Variants in TGFBRAP1 observed in about 807,000 individuals in gnomAD.
The protein encoded by TGFBRAP1 is transforming growth factor beta receptor associated protein 1, also known as transforming growth factor-beta receptor-associated protein 1.
In TGFBRAP1, 20 loss-of-function variants were observed where a neutral mutation model predicts 83.2. That is an observed-to-expected ratio of 0.24 (90% confidence interval 0.17 to 0.35). TGFBRAP1 has a LOEUF of 0.35. Among genes scored for constraint, TGFBRAP1 ranks in the 10% least tolerant of loss-of-function variants. The pLI, the probability that TGFBRAP1 is intolerant of heterozygous loss-of-function variation, is 1.00. For missense variants in TGFBRAP1, 950 were observed against 1,099.4 expected, an observed-to-expected ratio of 0.86 and a Z score of 1.92; for synonymous variants, 415 against 459.8, an observed-to-expected ratio of 0.90 and a Z score of 1.25.
At chr2:105,253,929 C>T in the TGFBRAP1 span, among the ~76,000 whole-genome samples, 3 of 151,998 alleles carry the variant, frequency 2.0e-5, no homozygotes, top group Admixed American at 6.6e-5. Flanking sequence ...CTTTGTGGCC[C>T]GGTTTTTATC....
At chr2:105,325,231 T>C (rs1368598183) in intron 1 of TGFBRAP1, 3 of 150,768 alleles carry the variant, frequency 2.0e-5, no homozygotes, top group Admixed American at 1.3e-4. Flanking sequence ...GCCTGGATGA[T>C]GGATGGCACC....
intron 7 of TGFBRAP1, among the ~76,000 whole-genome samples, chr2:105,276,294 C>A (rs375282762): frequency 2.9e-4 from 44 of 152,288 alleles, no homozygotes; most frequent in African/African-American, 9.4e-4. Context: ...TTAAGTGAAG[C>A]CTACTTTCAG....
chr2:105,274,453 G>C (rs1022207322), intron 8 of TGFBRAP1, among the ~76,000 whole-genome samples: 2 of 152,202 alleles, frequency 1.3e-5, no homozygotes, highest in African/African-American at 4.8e-5. Context: ...CTGGATTTGT[G>C]TCCCAGCTCT....
chr2:105,255,380 G>A, the TGFBRAP1 span, among the ~76,000 whole-genome samples: 1 of 151,944 alleles, frequency 6.6e-6, no homozygotes, highest in African/African-American at 2.4e-5. Context: ...GGAGTGCAGT[G>A]GTACAATCAT....
chr2:105,260,468 A>G (rs1265609124), downstream of TGFBRAP1, among the ~76,000 whole-genome samples: 3 of 152,178 alleles, frequency 2.0e-5, no homozygotes, highest in African/African-American at 7.2e-5. Context: ...TGAGGACATT[A>G]TGTCAAGTGA....
At chr2:105,257,910 A>G in the TGFBRAP1 span, among the ~76,000 whole-genome samples, 2 of 152,088 alleles carry the variant, frequency 1.3e-5, no homozygotes, top group Non-Finnish European at 2.9e-5. Context: ...TTTTTTCATC[A>G]TTTTATCCAC....
At chr2:105,260,520 T>A (rs757338984), downstream of TGFBRAP1, among the ~76,000 whole-genome samples, 1 of 152,190 alleles carries the variant, frequency 6.6e-6, no homozygotes, top group Non-Finnish European at 1.5e-5. Context: ...GTGATTCCAC[T>A]TTTATGAGAC....
chr2:105,293,476 C>A (rs1471280909), intron 4 of TGFBRAP1, among the ~76,000 whole-genome samples: 1 of 152,164 alleles, frequency 6.6e-6, no homozygotes, highest in African/African-American at 2.4e-5. Flanking sequence ...GAAGCGAAAC[C>A]AGCCCTTGCT....
Position 105,273,625 on chromosome 2 carries a change from G to A in TGFBRAP1, c.1731C>T (p.Asp577=), listed in dbSNP as rs370215046. The change falls in exon 9 of 12, where the codon GAC becomes GAT. Residue 577 remains aspartate (D), a synonymous_variant. Transcript: ENST00000393359. ...ATTTTTTAAGGCAATTGATAATGTC[G>A]TCTGGATTAAAACTGTTCTTCTGCT... ...DEQQKNSFNP[D]DIINCLKKYP... The A allele has an allele frequency of 1.1e-5, 17 of 1,614,012 alleles. No individual in the cohort carries two copies. The highest frequency in any genetic ancestry group is 1.4e-5 in the Non-Finnish European group (16 of 1,180,046).
chr2:105,251,664 G>C, the TGFBRAP1 span, among the ~76,000 whole-genome samples: 3 of 152,192 alleles, frequency 2.0e-5, no homozygotes, highest in Non-Finnish European at 2.9e-5. Context: ...TCATTGAGAA[G>C]GGGCCATGAT....
At chr2:105,304,777 C>G (rs561658540) in intron 2 of TGFBRAP1, among the ~76,000 whole-genome samples, 1 of 152,220 alleles carries the variant, frequency 6.6e-6, no homozygotes, top group South Asian at 2.1e-4. Context: ...AGCGAGACTC[C>G]GTTCTGGGGG....
At chr2:105,262,531 C>G (rs560122456), downstream of TGFBRAP1, among the ~76,000 whole-genome samples, 170 of 152,330 alleles carry the variant, frequency 1.1e-3, no homozygotes, top group African/African-American at 4.0e-3. Flanking sequence ...TATAAACTAT[C>G]CAGTCTCGAA....
rs931580785 is a variant in TGFBRAP1 at position 105,313,007 on chromosome 2, G to C, written c.-17-4689C>G. On this transcript the variant is annotated intron_variant, in intron 1 of 11. Coordinates refer to ENST00000393359, the MANE Select transcript of TGFBRAP1 (RefSeq NM_004257.6). ...CATGCCTGTAATTCCAGCTACTTGAGAGGCTGAGGCAGGAGAATCACTTGA... is the reference window on the plus strand; with the variant it reads ...CATGCCTGTAATTCCAGCTACTTGACAGGCTGAGGCAGGAGAATCACTTGA... Among the ~76,000 whole-genome samples, 4 of 152,284 alleles carry C rather than the reference G, an allele frequency of 2.6e-5. 1 individual carries two copies. In the South Asian group the frequency reaches 6.2e-4, roughly 24 times the overall value.
In TGFBRAP1 at chr2:105,321,174, T is replaced by TA. The variant is rs1481428884; in HGVS notation, c.-18+8450_-18+8451insT. The stretch of plus-strand genomic sequence containing the variant: ...ATGACTTATTTATTTATTTATTTTT[T>TA]TTTTTTTTGAGATGGAGTCTCTTGC... On this transcript the variant is annotated intron_variant, in intron 1 of 11. Coordinates refer to ENST00000393359, the MANE Select transcript of TGFBRAP1 (RefSeq NM_004257.6). Among the ~76,000 whole-genome samples the TA allele has an allele frequency of 4.1e-3, 617 of 152,146 alleles. 7 individuals carry two copies. Among genetic ancestry groups the TA allele is most frequent in the South Asian group, 0.035 (168 of 4,824 alleles).
intron 4 of TGFBRAP1, among the ~76,000 whole-genome samples, chr2:105,289,681 A>G (rs2104356299): frequency 6.6e-6 from 1 of 152,340 alleles, no homozygotes; most frequent in South Asian, 2.1e-4. Context: ...CTGGGCCATA[A>G]TACATTTAAT....
intron 10 of TGFBRAP1, 63 bp downstream of exon 10, chr2:105,272,792 C>T: frequency 1.3e-6 from 2 of 1,591,146 alleles, no homozygotes; most frequent in South Asian, 1.1e-5. Flanking sequence ...CTTCTCTCTG[C>T]TTCCTCCCAC....
chr2:105,251,537 G>T, the TGFBRAP1 span, among the ~76,000 whole-genome samples: 296 of 144,038 alleles, frequency 2.1e-3, 1 homozygote, highest in African/African-American at 7.3e-3. Context: ...TCAGCCCCCC[G>T]CCTGGCCAGC....
intron 4 of TGFBRAP1, among the ~76,000 whole-genome samples, chr2:105,293,030 C>T (rs971729786): frequency 1.3e-5 from 2 of 151,364 alleles, no homozygotes; most frequent in African/African-American, 2.4e-5. Context: ...ATTCACTGGA[C>T]GAGTTTGGAA....
At chr2:105,321,164 ATTTATTTT>A (rs1558657072) in intron 1 of TGFBRAP1, among the ~76,000 whole-genome samples, 1 of 151,282 alleles carries the variant, frequency 6.6e-6, no homozygotes, top group Non-Finnish European at 1.5e-5. Flanking sequence ...TTATTTATTT[ATTTATTTT>A]TTTTTTTTTT....
Sources: allele counts gnomAD v4.1 joint callset (sites outside exome capture counted in the v4.1 genomes callset), GRCh38; gene constraint gnomAD v4.1.1; transcripts MANE v1.5; gene names NCBI Gene and HGNC (gene_info 2026-07-23, HGNC 2026-07-21).